The following PPIP5K2 variants were observed in gnomAD, a reference collection of about 807,000 sequenced individuals.
The protein encoded by PPIP5K2 is diphosphoinositol pentakisphosphate kinase 2, also known as inositol hexakisphosphate and diphosphoinositol-pentakisphosphate kinase 2.
Under a neutral mutation model 154.6 loss-of-function variants are expected in PPIP5K2, and 105 were observed. The ratio of observed to expected loss-of-function variants is 0.68; its 90% confidence interval spans 0.58 to 0.80. The LOEUF is 0.80. PPIP5K2 is among the 30% of genes least tolerant of loss of function. The probability of loss-of-function intolerance (pLI) is 0.00; values close to 1 mark genes in which losing one functional copy is unlikely to be tolerated. For synonymous variants in PPIP5K2, 480 were observed against 490.3 expected, an observed-to-expected ratio of 0.98 and a Z score of 0.28; for missense variants, 992 against 1,504.6, an observed-to-expected ratio of 0.66 and a Z score of 5.64.
intron 27 of PPIP5K2, 132 bp from the exon 28 acceptor site, chr5:103,187,182 T>C (rs1554225433): frequency 3.3e-6 from 2 of 612,324 alleles, no homozygotes; most frequent in Non-Finnish European, 2.8e-6. Flanking sequence ...ATTTACCTTA[T>C]TACATTCTCT....
At chr5:103,192,975 G>A (rs1240800683) in intron 29 of PPIP5K2, among the ~76,000 whole-genome samples, 1 of 152,052 alleles carries the variant, frequency 6.6e-6, no homozygotes, top group African/African-American at 2.4e-5. Context: ...AAGAGTCTTT[G>A]GAAATTCCAT....
chr5:103,177,581 A>G, intron 21 of PPIP5K2, 86 bp from the exon 22 acceptor site: 1 of 837,836 alleles, frequency 1.2e-6, no homozygotes, highest in Non-Finnish European at 1.9e-6. Context: ...TATCACTAGG[A>G]TTAAACAAGC....
In PPIP5K2 at chr5:103,167,304, A is replaced by C; in HGVS notation, c.2046A>C (p.Glu682Asp). 1 of 1,586,144 alleles carries C rather than the reference A, an allele frequency of 6.3e-7. No homozygotes were observed. Among genetic ancestry groups the C allele is most frequent in the East Asian group, 2.3e-5 (1 of 44,242 alleles). Reference sequence around the variant, plus strand: ...CTTCTCAAATCAGACATCGAATGGAAGATCCTAAATCATCAGGTAAATATG... The same window carrying C: ...CTTCTCAAATCAGACATCGAATGGACGATCCTAAATCATCAGGTAAATATG... ...SLTSQIRHRM[E>D]DPKSSDIQLY... Residue 682 changes from glutamate (E) to aspartate (D), a missense_variant, in exon 18 of 31, where the codon GAA (glutamate) becomes GAC (aspartate). Glu to Asp is a conservative substitution (Grantham distance 45). Transcript: ENST00000358359.
At chr5:103,144,956 A>T (rs1391185062) in intron 5 of PPIP5K2, among the ~76,000 whole-genome samples, 1 of 152,158 alleles carries the variant, frequency 6.6e-6, no homozygotes, top group East Asian at 1.9e-4. Context: ...AAAGGAAACA[A>T]TACAGTGAAG....
chr5:103,182,805 G>C (rs1487306893), intron 24 of PPIP5K2, among the ~76,000 whole-genome samples: 6 of 151,750 alleles, frequency 4.0e-5, no homozygotes, highest in Middle Eastern at 3.4e-3. Context: ...TTAGTGTCTC[G>C]GGTTGAAAAA....
In PPIP5K2 at chr5:103,133,565, T is replaced by C; in HGVS notation, c.227T>C (p.Val76Ala). 10 of 1,612,572 alleles carry C rather than the reference T, an allele frequency of 6.2e-6. No homozygotes were observed. Among genetic ancestry groups the C allele is most frequent in the African/African-American group, 1.3e-5 (1 of 74,940 alleles). ...TCCTTATTTAAATATATCACAGTAGTAGTATTTGAAGAGGAGGTTATTTTG... is the reference window on the plus strand; with the variant it reads ...TCCTTATTTAAATATATCACAGTAGCAGTATTTGAAGAGGAGGTTATTTTG... ...RISLFKYITV[V>A]VFEEEVILNE... Residue 76 changes from valine (V) to alanine (A), a missense_variant, in exon 3 of 31, where the codon GTA becomes GCA. Physicochemically the swap from Val to Ala is moderately conservative, Grantham distance 64. Around this residue, in one of 9 missense-constraint regions of PPIP5K2, gnomAD observed 153 missense variants for 200.4 expected, o/e 0.76. Transcript: ENST00000358359.
chr5:103,125,954 G>A (rs1419825958), intron 1 of PPIP5K2, among the ~76,000 whole-genome samples: 8 of 152,090 alleles, frequency 5.3e-5, no homozygotes, highest in Non-Finnish European at 8.8e-5. Flanking sequence ...TCAGTCCTTT[G>A]TGTGCATCTT....
chr5:103,142,893 T>C (rs1338871919), intron 5 of PPIP5K2, among the ~76,000 whole-genome samples: 15 of 152,142 alleles, frequency 9.9e-5, no homozygotes, highest in African/African-American at 2.4e-4. Context: ...AAACCTCTTA[T>C]ATATTTCATA....
intron 5 of PPIP5K2, among the ~76,000 whole-genome samples, chr5:103,141,440 T>C (rs941694725): frequency 1.6e-4 from 24 of 151,658 alleles, no homozygotes; most frequent in African/African-American, 5.6e-4. Flanking sequence ...TGGGCTCAGG[T>C]GTGAAGCTGC....
At position 103,199,619 on chromosome 5, in the gene PPIP5K2, AT is replaced by A. The variant is rs542787488; in HGVS notation, c.3620-1892del. Among the ~76,000 whole-genome samples the A allele has an allele frequency of 1.9e-3, 267 of 141,410 alleles. 2 individuals are homozygous for A. Among genetic ancestry groups the A allele is most frequent in the South Asian group, 0.011 (49 of 4,560 alleles). The allele number at this position is 141,410 out of a possible 152,430, so 92.8% of individuals were successfully genotyped here. A position where few individuals can be genotyped will look rare whatever the true frequency, so the allele number is the denominator to read the frequency against. ...GGTTGACTAAGGCATATTTATGTCT[AT>A]TTTTTTTTTTCTTTTTTGGTAATAC... On this transcript the variant is annotated intron_variant, in intron 30 of 30. Coordinates refer to ENST00000358359, the MANE Select transcript of PPIP5K2 (RefSeq NM_001276277.3).
intron 1 of PPIP5K2, among the ~76,000 whole-genome samples, chr5:103,124,835 T>C (rs1164062504): frequency 2.0e-5 from 3 of 152,200 alleles, no homozygotes; most frequent in Non-Finnish European, 4.4e-5. Context: ...TGAGACAACA[T>C]GTTGGGAGGC....
At chr5:103,147,290 T>C (rs1554209502) in intron 6 of PPIP5K2, among the ~76,000 whole-genome samples, 2 of 152,054 alleles carry the variant, frequency 1.3e-5, no homozygotes, top group South Asian at 2.1e-4. Flanking sequence ...TGAGATACCA[T>C]TTTAACATCC....
intron 30 of PPIP5K2, among the ~76,000 whole-genome samples, chr5:103,197,949 CTACT>C (rs1314880561): frequency 1.3e-5 from 2 of 151,710 alleles, no homozygotes; most frequent in African/African-American, 2.4e-5. Context: ...TTTCTACATC[CTACT>C]TACTTTGGGT....
chr5:103,142,073 G>A (rs1482254535), intron 5 of PPIP5K2, among the ~76,000 whole-genome samples: 8 of 152,204 alleles, frequency 5.3e-5, no homozygotes, highest in African/African-American at 1.4e-4. Context: ...ACTGGGCGCC[G>A]TGGAGCAGGG....
chr5:103,134,790 G>A (rs1392747995), intron 3 of PPIP5K2, among the ~76,000 whole-genome samples: 1 of 152,194 alleles, frequency 6.6e-6, no homozygotes, highest in African/African-American at 2.4e-5. Flanking sequence ...GCTGAATTCT[G>A]TAAGGAGGCT....
intron 5 of PPIP5K2, among the ~76,000 whole-genome samples, chr5:103,145,443 A>T (rs1268834994): frequency 6.6e-6 from 1 of 152,088 alleles, no homozygotes; most frequent in Non-Finnish European, 1.5e-5. Context: ...AGATATTTGC[A>T]CTCATGTTTA....
chr5:103,123,726 A>T (rs1333198086), intron 1 of PPIP5K2, among the ~76,000 whole-genome samples: 2 of 152,226 alleles, frequency 1.3e-5, no homozygotes, highest in Admixed American at 6.5e-5. Flanking sequence ...GATAATTCTG[A>T]TGTAACCAGT....
chr5:103,185,586 G>A (rs563534177), intron 26 of PPIP5K2, among the ~76,000 whole-genome samples: 1 of 152,030 alleles, frequency 6.6e-6, no homozygotes, highest in South Asian at 2.1e-4. Flanking sequence ...ATATTTTATA[G>A]AAATTTATTT....
chr5:103,130,567 C>CA (rs1562367182), intron 2 of PPIP5K2, among the ~76,000 whole-genome samples: 1 of 152,154 alleles, frequency 6.6e-6, no homozygotes, highest in Non-Finnish European at 1.5e-5. Flanking sequence ...TGGAGTTACA[C>CA]ATATCTGAAA....
Sources: allele counts gnomAD v4.1 joint callset (sites outside exome capture counted in the v4.1 genomes callset), GRCh38; gene constraint gnomAD v4.1.1; regional missense constraint gnomAD v4.1.1; transcripts MANE v1.5; gene names NCBI Gene and HGNC (gene_info 2026-07-23, HGNC 2026-07-21).